RSBN1: variants seen among roughly 807,000 people sequenced by gnomAD.
The protein encoded by RSBN1 is round spermatid basic protein 1.
Under a neutral mutation model 74.8 loss-of-function variants are expected in RSBN1, and 23 were observed. That is an observed-to-expected ratio of 0.31 (90% CI 0.22 to 0.44). The LOEUF is 0.44. Among genes scored for constraint, RSBN1 ranks in the 20% least tolerant of loss-of-function variants. The pLI is 1.00. For synonymous variants in RSBN1, 407 were observed against 379.6 expected, an observed-to-expected ratio of 1.07 and a Z score of -0.84; for missense variants, 808 against 1,020.9, an observed-to-expected ratio of 0.79 and a Z score of 2.84.
At chr1:113,767,652 A>C (rs756192579) in intron 5 of RSBN1, among the ~76,000 whole-genome samples, 11 of 152,224 alleles carry the variant, frequency 7.2e-5, no homozygotes, top group Non-Finnish European at 1.2e-4. Context: ...ATGCAGGGAC[A>C]TGAAGAGATA....
At position 113,795,042 on chromosome 1, in the gene RSBN1, C is replaced by T. The variant is rs188686654; in HGVS notation, c.1377+2321G>A. Among the ~76,000 whole-genome samples the T allele has an allele frequency of 2.9e-3, 438 of 152,312 alleles. 1 individual carries two copies. Among genetic ancestry groups the T allele is most frequent in the African/African-American group, 9.3e-3 (386 of 41,558 alleles). ...TGTCAAAAGACTTCAGGTAAGTCCA[C>T]ACTGCCCTAGGTATTTGTTTAATTC... is the stretch of plus-strand genomic sequence containing the variant. On this transcript the variant is annotated intron_variant, in intron 2 of 6. Coordinates refer to ENST00000261441, the MANE Select transcript of RSBN1 (RefSeq NM_018364.5).
intron 4 of RSBN1, among the ~76,000 whole-genome samples, chr1:113,775,079 G>C (rs1659995632): frequency 6.6e-6 from 1 of 151,382 alleles, no homozygotes; most frequent in Non-Finnish European, 1.5e-5. Context: ...GGCTTGAGTG[G>C]AGTGGCACAA....
Position 113,766,040 on chromosome 1 carries a change from T to A in RSBN1, c.2349A>T (p.Glu783Asp). 1.2e-6 allele frequency: 2 copies of A among 1,614,084 alleles called. No homozygotes were observed. The highest frequency in any genetic ancestry group is 1.7e-6 in the Non-Finnish European group (2 of 1,179,944). The change falls in exon 7 of 7, where the codon GAA becomes GAT. Residue 783 changes from glutamate (E) to aspartate (D), a missense_variant. Glu to Asp is a conservative substitution (Grantham distance 45). Transcript: ENST00000261441. ...GTTGCTGGTCAGAGTCCAGTCTACT[T>A]TCCACTTTTAAAACTGGAATAGGCT... is the stretch of plus-strand genomic sequence containing the variant. ...KTQPIPVLKVESRLDSDQQHN... is the reference protein window; with the variant it reads ...KTQPIPVLKVDSRLDSDQQHN...
Position 113,766,057 on chromosome 1 carries a change from G to T in RSBN1, c.2332C>A (p.Pro778Thr). ...AGTCTACTTTCCACTTTTAAAACTGGAATAGGCTGAGTCTTCTGATCTTGC... is the reference window on the plus strand; with the variant it reads ...AGTCTACTTTCCACTTTTAAAACTGTAATAGGCTGAGTCTTCTGATCTTGC... Reference protein sequence around the residue: ...LQQDQKTQPIPVLKVESRLDS... With the variant: ...LQQDQKTQPITVLKVESRLDS... Residue 778 changes from proline (P) to threonine (T), a missense_variant, in exon 7 of 7, where the codon CCA becomes ACA. Physicochemically the swap from Pro to Thr is conservative, Grantham distance 38. Around this residue, in one of 6 missense-constraint regions of RSBN1, gnomAD observed 91 missense variants for 99.6 expected, o/e 0.91. Transcript: ENST00000261441. 1 of 1,614,064 alleles carries T rather than the reference G, an allele frequency of 6.2e-7. No individual in the cohort carries two copies. The highest frequency in any genetic ancestry group is 8.5e-7 in the Non-Finnish European group (1 of 1,179,944).
chr1:113,777,116 G>T, intron 4 of RSBN1, 94 bp downstream of exon 4: 2 of 1,137,360 alleles, frequency 1.8e-6, no homozygotes, highest in Non-Finnish European at 2.5e-6. Flanking sequence ...ACTTAAGGGA[G>T]CCCAAGACAA....
chr1:113,807,945 A>T (rs879387940), intron 1 of RSBN1, among the ~76,000 whole-genome samples: 4 of 152,100 alleles, frequency 2.6e-5, no homozygotes, highest in African/African-American at 7.2e-5. Context: ...GGGAAATGCA[A>T]ATTAAGATCA....
rs1660681469 is a variant in RSBN1 at position 113,805,375 on chromosome 1, G to A, written c.703+6335C>T. On this transcript the variant is annotated intron_variant, in intron 1 of 6. Transcript: ENST00000261441. ...ATACAGGCATGAGCCACCGCGCCCG[G>A]CCTGTCCTATGTTTTTATGAGCAAT... is the stretch of plus-strand genomic sequence containing the variant. 2.0e-5 allele frequency among the ~76,000 whole-genome samples: 3 copies of A among 152,128 alleles called. No individual in the cohort carries two copies. The South Asian group carries it at 6.2e-4, about 31-fold the overall frequency.
Position 113,761,931 on chromosome 1 carries a change from A to AT in RSBN1, c.*4048dup, listed in dbSNP as rs1659686227. ...TATTTTACAAAGAAATAGCTTAACA[A>AT]TTTAACACACTTAGACAGCTACAAA... is the stretch of plus-strand genomic sequence containing the variant. On this transcript the variant is annotated 3_prime_UTR_variant, in exon 7 of 7. Coordinates refer to ENST00000261441, the MANE Select transcript of RSBN1 (RefSeq NM_018364.5). The AT allele has an allele frequency of 6.5e-6, 1 of 152,726 alleles. No individual in the cohort carries two copies. The highest frequency in any genetic ancestry group is 2.4e-5 in the African/African-American group (1 of 41,432). The allele number at this position is 152,726 out of a possible 1,614,324, so 9.5% of individuals were successfully genotyped here.
In RSBN1 at chr1:113,812,235, G is replaced by A. The variant is rs1328851671; in HGVS notation, c.178C>T (p.Arg60Trp). Residue 60 changes from arginine (R) to tryptophan (W), a missense_variant, in exon 1 of 7, where the codon CGG becomes TGG. Arg to Trp is a moderately radical substitution (Grantham distance 101). Coordinates refer to ENST00000261441, the MANE Select transcript of RSBN1 (RefSeq NM_018364.5). The stretch of plus-strand genomic sequence containing the variant: ...GGCTCCTCCTGCGCCGCCACCGCCC[G>A]TACTACGCGCACCGCTCCGACCTGC... ...AAQVGAVRVV[R>W]AVAAQEEPDK... is the part of the protein sequence containing the mutation. 2 of 1,606,382 alleles carry A rather than the reference G, an allele frequency of 1.2e-6. No homozygotes were observed. The highest frequency in any genetic ancestry group is 8.5e-7 in the Non-Finnish European group (1 of 1,179,822).
rs760821296 is a variant in RSBN1 at position 113,812,305 on chromosome 1, C to CG, written c.107_108insC (p.Ala37GlyfsTer6). The CG allele has an allele frequency of 6.2e-7, 1 of 1,604,280 alleles. No homozygotes were observed. Among genetic ancestry groups the CG allele is most frequent in the Non-Finnish European group, 8.5e-7 (1 of 1,179,796 alleles). ...ACACACATTTAAATGGCCCGACCGC[C>CG]CCCCCGTCCGCGCATCGCGCAAGCG... On this transcript the variant is annotated frameshift_variant, in exon 1 of 7. Coordinates refer to ENST00000261441, the MANE Select transcript of RSBN1 (RefSeq NM_018364.5). LOFTEE classifies it high-confidence loss of function.
chr1:113,787,870 G>A (rs1660280108), intron 2 of RSBN1, among the ~76,000 whole-genome samples: 1 of 152,028 alleles, frequency 6.6e-6, no homozygotes, highest in South Asian at 2.1e-4. Context: ...TCCCACCCAC[G>A]TGTTCACTGA....
intron 2 of RSBN1, among the ~76,000 whole-genome samples, chr1:113,787,505 C>A (rs2101807957): frequency 6.6e-6 from 1 of 152,268 alleles, no homozygotes; most frequent in South Asian, 2.1e-4. Context: ...GTCAGTGAGA[C>A]CCTTCCACTT....
At chr1:113,769,880 T>C (rs1024211800) in intron 4 of RSBN1, among the ~76,000 whole-genome samples, 1 of 152,100 alleles carries the variant, frequency 6.6e-6, no homozygotes, top group African/African-American at 2.4e-5. Flanking sequence ...ATTCTGCAAA[T>C]AAACAAGTCA....
At chr1:113,787,194 G>A (rs530529678) in intron 2 of RSBN1, among the ~76,000 whole-genome samples, 3 of 152,266 alleles carry the variant, frequency 2.0e-5, no homozygotes, top group African/African-American at 7.2e-5. Context: ...CTAATAGGAA[G>A]AATCTGATAA....
chr1:113,782,778 T>A (rs1310556739), intron 2 of RSBN1, among the ~76,000 whole-genome samples: 1 of 152,224 alleles, frequency 6.6e-6, no homozygotes, highest in Non-Finnish European at 1.5e-5. Flanking sequence ...GTATAAAAGT[T>A]CTCCTTTTTC....
Position 113,765,152 on chromosome 1 carries a change from T to A in RSBN1, c.*828A>T, listed in dbSNP as rs541978910. 2 of 152,382 alleles carry A rather than the reference T, an allele frequency of 1.3e-5. No homozygotes were observed. The highest frequency in any genetic ancestry group is 4.8e-5 in the African/African-American group (2 of 41,536). 9.4% of individuals were successfully genotyped at this position (152,382 alleles called of 1,614,324 possible). On this transcript the variant is annotated 3_prime_UTR_variant, in exon 7 of 7. Transcript: ENST00000261441. Reference sequence around the variant, plus strand: ...TATTCTCTAAGTTTAATAGTTGTGATCAGTTTAGGAAGCAAAATTATCCCC... The same window carrying A: ...TATTCTCTAAGTTTAATAGTTGTGAACAGTTTAGGAAGCAAAATTATCCCC...
At chr1:113,772,397 TAAAA>T (rs907915893) in intron 4 of RSBN1, among the ~76,000 whole-genome samples, 1 of 151,148 alleles carries the variant, frequency 6.6e-6, no homozygotes, top group Non-Finnish European at 1.5e-5. Flanking sequence ...AATTTTTAAT[TAAAA>T]AAAAACCCTG....
Position 113,767,474 on chromosome 1 carries a change from G to A in RSBN1, c.1827-267C>T, listed in dbSNP as rs74111745. ...AACTAGTTGCATTTGCAGTCCTCTCGCCACTTTGTATCTCCATGTCCTGAG... is the reference window on the plus strand; with the variant it reads ...AACTAGTTGCATTTGCAGTCCTCTCACCACTTTGTATCTCCATGTCCTGAG... On this transcript the variant is annotated intron_variant, in intron 5 of 6. Coordinates refer to ENST00000261441, the MANE Select transcript of RSBN1 (RefSeq NM_018364.5). 3.5e-3 allele frequency among the ~76,000 whole-genome samples: 529 copies of A among 152,172 alleles called. 4 individuals are homozygous for A. The highest frequency in any genetic ancestry group is 0.012 in the African/African-American group (508 of 41,520).
intron 4 of RSBN1, among the ~76,000 whole-genome samples, chr1:113,771,535 G>A (rs1659884406): frequency 7.0e-6 from 1 of 142,924 alleles, no homozygotes; most frequent in African/African-American, 2.6e-5. Flanking sequence ...CAGACAGTAT[G>A]AAAAAAATTC....
Sources: allele counts gnomAD v4.1 joint callset (sites outside exome capture counted in the v4.1 genomes callset), GRCh38; gene constraint gnomAD v4.1.1; regional missense constraint gnomAD v4.1.1; transcripts MANE v1.5; gene names NCBI Gene and HGNC (gene_info 2026-07-23, HGNC 2026-07-21).